Variants in CDK13 observed in about 807,000 individuals in gnomAD.
The protein encoded by CDK13 is cyclin-dependent kinase 13.
Under a neutral mutation model 137.6 loss-of-function variants are expected in CDK13, and 40 were observed. The ratio of observed to expected loss-of-function variants is 0.29; its 90% CI spans 0.23 to 0.38. The LOEUF (loss-of-function observed/expected upper bound fraction) is 0.38. Among genes scored for constraint, CDK13 ranks in the 10% least tolerant of loss-of-function variants. CDK13 has a pLI of 1.00. For synonymous variants in CDK13, 869 were observed against 760.1 expected, an observed-to-expected ratio of 1.14 and a Z score of -2.36; for missense variants, 1,704 against 1,951.8, an observed-to-expected ratio of 0.87 and a Z score of 2.39.
chr7:39,996,265 G>A (rs1040361247), intron 2 of CDK13, among the ~76,000 whole-genome samples: 71 of 152,158 alleles, frequency 4.7e-4, no homozygotes, highest in Non-Finnish European at 3.7e-4. Context: ...TCTGATCACA[G>A]CAGTGTAGTT....
chr7:40,088,368 T>G, intron 12 of CDK13, 37 bp downstream of exon 12: 4 of 1,507,866 alleles, frequency 2.7e-6, no homozygotes, highest in Non-Finnish European at 3.7e-6. Flanking sequence ...TTCTTCACAT[T>G]GTTTTGCAGT....
intron 9 of CDK13, among the ~76,000 whole-genome samples, chr7:40,074,833 A>G (rs769947894): frequency 3.9e-5 from 6 of 151,908 alleles, no homozygotes; most frequent in Non-Finnish European, 8.8e-5. Context: ...TTAAAAAAAA[A>G]AACAAAATAT....
chr7:40,063,620 A>G (rs1786205541), intron 9 of CDK13, among the ~76,000 whole-genome samples: 1 of 152,028 alleles, frequency 6.6e-6, no homozygotes, highest in South Asian at 2.1e-4. Flanking sequence ...AATTACTCAT[A>G]CATTTTAGTC....
intron 8 of CDK13, 32 bp from the exon 9 acceptor site, chr7:40,062,991 C>A: frequency 6.2e-7 from 1 of 1,606,268 alleles, no homozygotes; most frequent in Non-Finnish European, 8.5e-7. Context: ...TAAAATAGAT[C>A]ATTTGGTAAT....
At position 39,981,625 on chromosome 7, in the gene CDK13, G is replaced by A. The variant is rs74493740; in HGVS notation, c.1212-5974G>A. Among the ~76,000 whole-genome samples the A allele has an allele frequency of 8.5e-3, 1,290 of 152,042 alleles. 19 individuals carry two copies. The highest frequency in any genetic ancestry group is 0.028 in the African/African-American group (1,151 of 41,452). On this transcript the variant is annotated intron_variant, in intron 1 of 13. Coordinates refer to ENST00000181839, the MANE Select transcript of CDK13 (RefSeq NM_003718.5). The stretch of plus-strand genomic sequence containing the variant: ...GTAAATATATTTTTGGAATTTATTA[G>A]CAAATCACAATATCTGAGAGAATGG...
intron 5 of CDK13, among the ~76,000 whole-genome samples, chr7:40,012,014 A>G (rs528507296): frequency 2.6e-5 from 4 of 152,366 alleles, no homozygotes; most frequent in East Asian, 3.9e-4. Flanking sequence ...CAGATGGCCA[A>G]TAAGCACATG....
chr7:40,013,023 A>G (rs1322950510), intron 5 of CDK13, among the ~76,000 whole-genome samples: 1 of 152,154 alleles, frequency 6.6e-6, no homozygotes, highest in Non-Finnish European at 1.5e-5. Context: ...GTGTCCTTGG[A>G]TGGAAGAATT....
chr7:40,023,093 CTT>C (rs748459820), intron 5 of CDK13, among the ~76,000 whole-genome samples: 22 of 137,484 alleles, frequency 1.6e-4, no homozygotes, highest in Admixed American at 1.5e-4. Context: ...TTATACTTAA[CTT>C]TTTTTTTTTT....
chr7:40,026,855 G>GAT (rs757790524), intron 5 of CDK13, among the ~76,000 whole-genome samples: 14 of 152,164 alleles, frequency 9.2e-5, no homozygotes, highest in Non-Finnish European at 1.5e-4. Context: ...TTTGCTTCAA[G>GAT]ATATTTCATT....
At chr7:40,005,894 T>A (rs10270724) in intron 5 of CDK13, among the ~76,000 whole-genome samples, 16,998 of 152,014 alleles carry the variant, frequency 0.11, 3,126 homozygotes, top group African/African-American at 0.38. Context: ...GCTAATTTTT[T>A]AAAAAGTGAT....
Position 40,001,050 on chromosome 7 carries a change from G to T in CDK13, c.2183-811G>T, listed in dbSNP as rs1199676943. 2.6e-5 allele frequency among the ~76,000 whole-genome samples: 4 copies of T among 152,008 alleles called. No homozygotes were observed. In the South Asian group the frequency reaches 6.2e-4, roughly 24 times the overall value. ...AGTTTTACTGCTAGGTAACTGGCCAGGTTTGGTCAAGTAATATGTCTGAGC... is the reference window on the plus strand; with the variant it reads ...AGTTTTACTGCTAGGTAACTGGCCATGTTTGGTCAAGTAATATGTCTGAGC... On this transcript the variant is annotated intron_variant, in intron 4 of 13. Coordinates refer to ENST00000181839, the MANE Select transcript of CDK13 (RefSeq NM_003718.5).
chr7:40,036,570 C>CA (rs951343277), intron 5 of CDK13, among the ~76,000 whole-genome samples: 2 of 150,918 alleles, frequency 1.3e-5, no homozygotes, highest in African/African-American at 2.4e-5. Flanking sequence ...GACTCCGTCT[C>CA]AAAAAAAATT....
At chr7:39,996,961 C>CAAAAAAAAAAAAAAAAAAAAAAA (rs72210233) in intron 2 of CDK13, among the ~76,000 whole-genome samples, 5 of 83,250 alleles carry the variant, frequency 6.0e-5, no homozygotes, top group African/African-American at 3.1e-4. Flanking sequence ...GATTCCATCT[C>CAAAAAAAAAAAAAAAAAAAAAAA]AAAAAAAAAA....
At chr7:40,053,382 T>C (rs1306803844) in intron 7 of CDK13, among the ~76,000 whole-genome samples, 1 of 152,200 alleles carries the variant, frequency 6.6e-6, no homozygotes, top group Non-Finnish European at 1.5e-5. Context: ...TCACCTCATA[T>C]AGGCCATTGT....
chr7:40,074,508 G>A (rs1395162353), intron 9 of CDK13, among the ~76,000 whole-genome samples: 2 of 130,996 alleles, frequency 1.5e-5, no homozygotes, highest in Non-Finnish European at 3.1e-5. Flanking sequence ...GGGCGACAGA[G>A]CAAGACACCA....
At chr7:40,088,030 A>G (rs1372522192) in intron 11 of CDK13, 96 bp from the exon 12 acceptor site, 3 of 929,512 alleles carry the variant, frequency 3.2e-6, no homozygotes, top group African/African-American at 3.3e-5. Flanking sequence ...TTCAAGAACT[A>G]TTTGGGGTGG....
rs148413698 is a variant in CDK13, at chr7:39,957,975, A to G, written c.1211+6123A>G. ...GGTTGGCTTTGTTTTCTATAAATTTATAAGCTTTGAAGTGGGTGTTGGAAG... is the reference window on the plus strand; with the variant it reads ...GGTTGGCTTTGTTTTCTATAAATTTGTAAGCTTTGAAGTGGGTGTTGGAAG... On this transcript the variant is annotated intron_variant, in intron 1 of 13. Coordinates refer to ENST00000181839, the MANE Select transcript of CDK13 (RefSeq NM_003718.5). 4.6e-5 allele frequency among the ~76,000 whole-genome samples: 7 copies of G among 152,274 alleles called. No individual in the cohort carries two copies. In the East Asian group the frequency reaches 1.2e-3, roughly 25 times the overall value.
intron 1 of CDK13, among the ~76,000 whole-genome samples, chr7:39,973,650 C>G (rs1481619771): frequency 1.3e-5 from 2 of 152,120 alleles, no homozygotes; most frequent in African/African-American, 4.8e-5. Flanking sequence ...TTTTTGGTCT[C>G]AAATCTAAGA....
intron 9 of CDK13, chr7:40,072,146 TGA>T (rs1446772965): frequency 6.6e-6 from 1 of 152,228 alleles, no homozygotes; most frequent in South Asian, 2.1e-4. Context: ...ATTCTTTTTT[TGA>T]GAGAGTCTGG....
Sources: allele counts gnomAD v4.1 joint callset (sites outside exome capture counted in the v4.1 genomes callset), GRCh38; gene constraint gnomAD v4.1.1; transcripts MANE v1.5; gene names NCBI Gene and HGNC (gene_info 2026-07-23, HGNC 2026-07-21).